C5AR1: variants seen among roughly 807,000 people sequenced by gnomAD.
C5AR1 encodes the protein complement C5a receptor 1, also known as C5a anaphylatoxin chemotactic receptor 1.
In C5AR1, 4 loss-of-function variants were observed where a neutral mutation model predicts 2.4. The ratio of observed to expected loss-of-function variants is 1.65; its 90% confidence interval spans 0.81 to 3.77. The LOEUF is 3.77. C5AR1 is among the 30% of genes most tolerant of loss of function. C5AR1 has a pLI of 0.01. For missense variants in C5AR1, 418 were observed against 462.5 expected (o/e 0.90, Z 0.88); for synonymous variants, 209 against 210.4 (o/e 0.99, Z 0.06).
rs753397011 is a variant in C5AR1, at chr19:47,320,881, A to C, written c.*51A>C. 14 of 1,496,040 alleles carry C rather than the reference A, an allele frequency of 9.4e-6. No individual in the cohort carries two copies. In the African/African-American group the frequency reaches 1.7e-4, roughly 18 times the overall value. 92.7% of individuals were successfully genotyped at this position (1,496,040 alleles called of 1,614,324 possible). The stretch of plus-strand genomic sequence containing the variant: ...CCCGATGTCCCCTTCCTTCCCGGCC[A>C]TTCTCCCTCTTGTTTTCACTTCACT... On this transcript the variant is annotated 3_prime_UTR_variant, in exon 2 of 2. Coordinates refer to ENST00000355085, the MANE Select transcript of C5AR1 (RefSeq NM_001736.4). This position sits in a 1 kb window ranked among gnomAD's most constrained non-coding sequence, Gnocchi z 4.9.
intron 1 of C5AR1, among the ~76,000 whole-genome samples, chr19:47,316,027 A>G (rs1376282449): frequency 6.8e-6 from 1 of 148,098 alleles, no homozygotes; most frequent in Admixed American, 6.8e-5. Context: ...TTTTTTTTAG[A>G]CAGAGTCTTG....
intron 1 of C5AR1, among the ~76,000 whole-genome samples, chr19:47,318,677 G>A (rs2122139855): frequency 6.6e-6 from 1 of 152,138 alleles, no homozygotes. Flanking sequence ...CATAGTAGGT[G>A]CTCAGTAAGT....
In C5AR1 at chr19:47,309,894, A is replaced by T; in HGVS notation, c.-2A>T. ...TCCTCGGGGAGCCCAGGAGACCAGA[A>T]CATGGTGAGTCTCGAAGGGGAATGG... On this transcript the variant is annotated 5_prime_UTR_variant, in exon 1 of 2. Transcript: ENST00000355085. 2 of 1,612,894 alleles carry T rather than the reference A, an allele frequency of 1.2e-6. No homozygotes were observed. Among genetic ancestry groups the T allele is most frequent in the Non-Finnish European group, 1.7e-6 (2 of 1,179,424 alleles).
rs200884152 is a variant in C5AR1 at position 47,321,072 on chromosome 19, C to T, written c.*242C>T. 46 of 294,998 alleles carry T rather than the reference C, an allele frequency of 1.6e-4. No homozygotes were observed. The highest frequency in any genetic ancestry group is 1.2e-3 in the African/African-American group (42 of 35,552). 18.3% of individuals were successfully genotyped at this position (294,998 alleles called of 1,614,324 possible). On this transcript the variant is annotated 3_prime_UTR_variant, in exon 2 of 2. Transcript: ENST00000355085. Reference sequence around the variant, plus strand: ...TCCCACCCCCCACCCCCCCCACACACACCATCTTTCCATCCCAGGCTTTTG... The same window carrying T: ...TCCCACCCCCCACCCCCCCCACACATACCATCTTTCCATCCCAGGCTTTTG...
At position 47,320,097 on chromosome 19, in the gene C5AR1, C is replaced by T. The variant is rs758149300; in HGVS notation, c.320C>T (p.Ala107Val). The T allele has an allele frequency of 1.2e-6, 2 of 1,614,174 alleles. No homozygotes were observed. Among genetic ancestry groups the T allele is most frequent in the South Asian group, 2.2e-5 (2 of 91,092 alleles). Residue 107 changes from alanine to valine, a missense_variant, in exon 2 of 2, where the codon GCC becomes GTC. Coordinates refer to ENST00000355085, the MANE Select transcript of C5AR1 (RefSeq NM_001736.4). The surrounding 1 kb of genome is among the most constrained non-coding windows in gnomAD (Gnocchi z 4.9). ...CATCACCACTGGCCCTTTGGCGGGG[C>T]CGCCTGCAGCATCCTGCCCTCCCTC... ...VQHHHWPFGGAACSILPSLIL... is the reference protein window; with the variant it reads ...VQHHHWPFGGVACSILPSLIL...
chr19:47,313,531 G>C (rs892917094), intron 1 of C5AR1, among the ~76,000 whole-genome samples: 3 of 151,528 alleles, frequency 2.0e-5, no homozygotes, highest in Admixed American at 1.3e-4. Flanking sequence ...GGTGGATCAC[G>C]AGGTCAGGAG....
rs1460524876 is a variant in C5AR1, at chr19:47,321,062, C to G, written c.*232C>G. ...GGGAGCACCCTCCCACCCCCCACCC[C>G]CCCCACACACACCATCTTTCCATCC... On this transcript the variant is annotated 3_prime_UTR_variant, in exon 2 of 2. Transcript: ENST00000355085. 4 of 242,244 alleles carry G rather than the reference C, an allele frequency of 1.7e-5. No individual in the cohort carries two copies. Among genetic ancestry groups the G allele is most frequent in the Non-Finnish European group, 2.8e-5 (4 of 142,832 alleles). The allele number at this position is 242,244 out of a possible 1,614,324, so 15.0% of individuals were successfully genotyped here. A position where few individuals can be genotyped will look rare whatever the true frequency, so the allele number is the denominator to read the frequency against.
intron 1 of C5AR1, among the ~76,000 whole-genome samples, chr19:47,318,872 T>C (rs958374300): frequency 5.7e-4 from 78 of 138,006 alleles, no homozygotes; most frequent in African/African-American, 2.0e-3. Flanking sequence ...ATCAGGACCT[T>C]TTTGTTCTAT....
chr19:47,315,465 C>T (rs1345006664), intron 1 of C5AR1, among the ~76,000 whole-genome samples: 2 of 152,084 alleles, frequency 1.3e-5, no homozygotes, highest in Admixed American at 6.6e-5. Flanking sequence ...AGTGACAAGG[C>T]GATGTCAGAG....
chr19:47,317,047 G>C (rs2059291675), intron 1 of C5AR1, among the ~76,000 whole-genome samples: 1 of 150,830 alleles, frequency 6.6e-6, no homozygotes, highest in Non-Finnish European at 1.5e-5. Context: ...ACAAAAATTA[G>C]CTGGGTGTGG....
At chr19:47,308,706 C>T (rs1328677149), upstream of C5AR1, among the ~76,000 whole-genome samples, 5 of 151,816 alleles carry the variant, frequency 3.3e-5, no homozygotes, top group African/African-American at 4.8e-5. Flanking sequence ...CAGGCACCCA[C>T]CACCACGCCT....
Position 47,320,106 on chromosome 19 carries a change from G to A in C5AR1, c.329G>A (p.Ser110Asn), listed in dbSNP as rs1357238592. 6.2e-7 allele frequency: 1 copy of A among 1,614,172 alleles called. No homozygotes were observed. Among genetic ancestry groups the A allele is most frequent in the East Asian group, 2.2e-5 (1 of 44,888 alleles). Residue 110 changes from serine (S) to asparagine (N), a missense_variant, in exon 2 of 2, where the codon AGC becomes AAC. Transcript: ENST00000355085. The surrounding 1 kb of genome is among the most constrained non-coding windows in gnomAD (Gnocchi z 4.9). ...HHWPFGGAAC[S>N]ILPSLILLNM... is the part of the protein sequence containing the mutation. ...TGGCCCTTTGGCGGGGCCGCCTGCA[G>A]CATCCTGCCCTCCCTCATCCTGCTC...
chr19:47,310,651 C>T (rs377660501), intron 1 of C5AR1, among the ~76,000 whole-genome samples: 114 of 152,166 alleles, frequency 7.5e-4, no homozygotes, highest in African/African-American at 2.5e-3. Flanking sequence ...CCACTATGTC[C>T]GGCTAATTTT....
chr19:47,313,602 G>A (rs2059277385), intron 1 of C5AR1, among the ~76,000 whole-genome samples: 1 of 152,050 alleles, frequency 6.6e-6, no homozygotes, highest in Admixed American at 6.6e-5. Flanking sequence ...AAATTAGCCA[G>A]GCATGGTGGC....
chr19:47,318,494 A>G (rs1193463130), intron 1 of C5AR1, among the ~76,000 whole-genome samples: 1 of 151,832 alleles, frequency 6.6e-6, no homozygotes, highest in Non-Finnish European at 1.5e-5. Flanking sequence ...GGGTTTCACC[A>G]TGTTGGCCAG....
chr19:47,320,425 C>A lies in C5AR1; in HGVS notation c.648C>A (p.Leu216=). The change falls in exon 2 of 2, where the codon CTC becomes CTA. Residue 216 remains leucine, a synonymous_variant. Transcript: ENST00000355085. This position sits in a 1 kb window ranked among gnomAD's most constrained non-coding sequence, Gnocchi z 4.9. ...TCCTGGGCTTCCTGTGGCCTCTACT[C>A]ACGCTCACGATTTGTTACACTTTCA... ...RLVLGFLWPL[L]TLTICYTFIL... is the part of the protein sequence containing the mutation. 6.2e-7 allele frequency: 1 copy of A among 1,611,110 alleles called. No individual in the cohort carries two copies.
intron 1 of C5AR1, 41 bp downstream of exon 1, chr19:47,309,939 GGGTCCCTC>G (rs1179095319): frequency 2.5e-6 from 4 of 1,605,836 alleles, no homozygotes; most frequent in Non-Finnish European, 3.4e-6. Context: ...ACTTTGTCCT[GGGTCCCTC>G]CCATCTTTGC....
In C5AR1 at chr19:47,320,933, A is replaced by G. The variant is rs200937896; in HGVS notation, c.*103A>G. The stretch of plus-strand genomic sequence containing the variant: ...TTCGTGGGATGGTGTTACCTTAGCT[A>G]ACTAACTCTCCTCCATGTTGCCTGT... On this transcript the variant is annotated 3_prime_UTR_variant, in exon 2 of 2. Transcript: ENST00000355085. This position sits in a 1 kb window ranked among gnomAD's most constrained non-coding sequence, Gnocchi z 4.9. The G allele has an allele frequency of 1.0e-6, 1 of 967,866 alleles. No individual in the cohort carries two copies. Among genetic ancestry groups the G allele is most frequent in the Non-Finnish European group, 1.5e-6 (1 of 662,502 alleles). The allele number at this position is 967,866 out of a possible 1,614,324, so 60.0% of individuals were successfully genotyped here. A position where few individuals can be genotyped will look rare whatever the true frequency, so the allele number is the denominator to read the frequency against.
At chr19:47,307,996 C>T (rs566232958), upstream of C5AR1, among the ~76,000 whole-genome samples, 4 of 151,818 alleles carry the variant, frequency 2.6e-5, no homozygotes, top group South Asian at 8.3e-4. Flanking sequence ...GGGTGGATCA[C>T]GAGGTCAGGA....
Sources: allele counts gnomAD v4.1 joint callset (sites outside exome capture counted in the v4.1 genomes callset), GRCh38; gene constraint gnomAD v4.1.1; non-coding constraint Gnocchi (gnomAD v3.1); transcripts MANE v1.5; gene names NCBI Gene and HGNC (gene_info 2026-07-23, HGNC 2026-07-21).